ZFHX3: variants seen among roughly 807,000 people sequenced by gnomAD.
The protein encoded by ZFHX3 is zinc finger homeobox 3, also known as zinc finger homeobox protein 3.
A neutral mutation model predicts 279.1 loss-of-function variants in ZFHX3; 42 were observed. The ratio of observed to expected loss-of-function variants is 0.15; its 90% confidence interval spans 0.12 to 0.19. ZFHX3 has a LOEUF of 0.19. ZFHX3 is among the 10% of genes least tolerant of loss of function. The probability of loss-of-function intolerance (pLI) is 1.00; values close to 1 mark genes in which losing one functional copy is unlikely to be tolerated. For synonymous variants in ZFHX3, 2,293 were observed against 1,957.8 expected (o/e 1.17, Z -4.52); for missense variants, 4,981 against 4,754.0 (o/e 1.05, Z -1.40).
intron 1 of ZFHX3, among the ~76,000 whole-genome samples, chr16:73,756,855 T>A (rs553434824): frequency 6.6e-6 from 1 of 152,186 alleles, no homozygotes; most frequent in South Asian, 2.1e-4. Context: ...TGGTCCATAA[T>A]AGTGCCGTGT....
At chr16:73,432,736 C>T (rs899385073) in intron 3 of ZFHX3, among the ~76,000 whole-genome samples, 3 of 152,072 alleles carry the variant, frequency 2.0e-5, no homozygotes, top group East Asian at 1.9e-4. Context: ...CAGCAGAAAC[C>T]GTCTGTGATC....
At chr16:73,021,646 C>A (rs1007235842) in intron 1 of ZFHX3, among the ~76,000 whole-genome samples, 1 of 151,844 alleles carries the variant, frequency 6.6e-6, no homozygotes, top group African/African-American at 2.4e-5. Context: ...GCCTGGCCAA[C>A]ATAGTGAAAC....
chr16:73,516,177 A>G (rs184411265), intron 2 of ZFHX3, among the ~76,000 whole-genome samples: 7 of 152,326 alleles, frequency 4.6e-5, no homozygotes, highest in South Asian at 2.1e-4. Flanking sequence ...GCTAACGCTA[A>G]GTATAATCAC....
intron 3 of ZFHX3, among the ~76,000 whole-genome samples, chr16:73,374,522 A>G (rs936747532): frequency 6.6e-6 from 1 of 152,262 alleles, no homozygotes; most frequent in African/African-American, 2.4e-5. Context: ...GTTTAAAAAC[A>G]TAACTATCAT....
intron 4 of ZFHX3, among the ~76,000 whole-genome samples, chr16:73,267,647 C>T (rs1037891406): frequency 1.2e-4 from 19 of 152,172 alleles, no homozygotes; most frequent in Admixed American, 4.6e-4. Flanking sequence ...TCTGTGACCC[C>T]TCTGCCTGCC....
intron 2 of ZFHX3, among the ~76,000 whole-genome samples, chr16:73,639,241 G>C (rs938283606): frequency 6.6e-6 from 1 of 152,158 alleles, no homozygotes; most frequent in Non-Finnish European, 1.5e-5. Context: ...CTGTGGTCCT[G>C]TCTGAATCTG....
chr16:73,754,120 G>A (rs982831477), intron 1 of ZFHX3, among the ~76,000 whole-genome samples: 2 of 151,970 alleles, frequency 1.3e-5, no homozygotes, highest in African/African-American at 4.8e-5. Context: ...TTGGCAGACA[G>A]CTAGGAACAC....
chr16:73,849,469 G>C (rs776724209), intron 1 of ZFHX3, among the ~76,000 whole-genome samples: 3 of 152,090 alleles, frequency 2.0e-5, no homozygotes, highest in Non-Finnish European at 4.4e-5. Context: ...TCCTGTAAGT[G>C]ATCGATTATA....
chr16:73,683,488 C>G (rs1340388097), intron 1 of ZFHX3, among the ~76,000 whole-genome samples: 3 of 152,140 alleles, frequency 2.0e-5, no homozygotes, highest in African/African-American at 7.2e-5. Context: ...TTTTCCAACC[C>G]TCTATAAAAG....
intron 1 of ZFHX3, among the ~76,000 whole-genome samples, chr16:73,883,032 A>ATTT (rs2030223662): frequency 2.1e-5 from 3 of 143,388 alleles, no homozygotes; most frequent in African/African-American, 8.7e-5. Flanking sequence ...AAGCTTTTTA[A>ATTT]AAAAAAAAAT....
chr16:73,501,631 G>A (rs949372545), intron 2 of ZFHX3, among the ~76,000 whole-genome samples: 1 of 152,180 alleles, frequency 6.6e-6, no homozygotes, highest in African/African-American at 2.4e-5. Flanking sequence ...TCCATTACAC[G>A]GGAAGAATTC....
intron 4 of ZFHX3, among the ~76,000 whole-genome samples, chr16:72,842,948 T>C (rs1228174156): frequency 6.6e-6 from 1 of 152,120 alleles, no homozygotes; most frequent in East Asian, 1.9e-4. Context: ...CTGTGTAAAA[T>C]TTAGCTGGAT....
intron 3 of ZFHX3, among the ~76,000 whole-genome samples, chr16:72,896,351 C>T (rs897187513): frequency 6.6e-6 from 1 of 152,200 alleles, no homozygotes; most frequent in African/African-American, 2.4e-5. Context: ...GACACGAAAA[C>T]ATCTCACGGC....
intron 4 of ZFHX3, among the ~76,000 whole-genome samples, chr16:73,292,267 G>A (rs1487112724): frequency 3.3e-5 from 5 of 152,216 alleles, no homozygotes; most frequent in Non-Finnish European, 5.9e-5. Context: ...ACCGAGCACA[G>A]CACAGGGTGT....
At chr16:73,492,718 C>T (rs922538805) in intron 2 of ZFHX3, among the ~76,000 whole-genome samples, 2 of 152,162 alleles carry the variant, frequency 1.3e-5, no homozygotes, top group South Asian at 2.1e-4. Flanking sequence ...TATGTTTCAC[C>T]GTTATTTATC....
At chr16:73,359,105 G>A (rs1265015839) in intron 3 of ZFHX3, among the ~76,000 whole-genome samples, 1 of 151,940 alleles carries the variant, frequency 6.6e-6, no homozygotes, top group African/African-American at 2.4e-5. Flanking sequence ...GCTCATAAAG[G>A]AAGATCATAC....
At chr16:73,799,418 C>G (rs1039223077) in intron 1 of ZFHX3, among the ~76,000 whole-genome samples, 1 of 152,132 alleles carries the variant, frequency 6.6e-6, no homozygotes, top group Non-Finnish European at 1.5e-5. Flanking sequence ...TACAGAGCAT[C>G]CAGACAGCAG....
At chr16:72,925,510 T>C (rs373729353) in intron 3 of ZFHX3, among the ~76,000 whole-genome samples, 1 of 152,266 alleles carries the variant, frequency 6.6e-6, no homozygotes, top group Non-Finnish European at 1.5e-5. Context: ...CAATGCTGCA[T>C]ACGCACGCTG....
At chr16:73,628,144 C>T (rs1382412552) in intron 2 of ZFHX3, among the ~76,000 whole-genome samples, 2 of 152,180 alleles carry the variant, frequency 1.3e-5, no homozygotes, top group African/African-American at 4.8e-5. Flanking sequence ...AACCCGTTAA[C>T]TCCTTCTATC....
Sources: gnomAD v4.1 joint callset for allele counts (sites outside exome capture counted in the v4.1 genomes callset) on GRCh38, gnomAD v4.1.1 for gene constraint, MANE v1.5 for transcripts, NCBI Gene and HGNC (gene_info 2026-07-23, HGNC 2026-07-21) for gene names.